SCRG1: variants seen among roughly 807,000 people sequenced by gnomAD.
SCRG1 encodes the protein stimulator of chondrogenesis 1.
Under a neutral mutation model 7.7 loss-of-function variants are expected in SCRG1, and 3 were observed. The observed-to-expected ratio is 0.39, with a 90% CI of 0.18 to 1.01. The LOEUF (loss-of-function observed/expected upper bound fraction) is 1.01. Ranked by LOEUF, SCRG1 falls within the 50% of genes least tolerant of loss-of-function variation. The probability of loss-of-function intolerance (pLI) is 0.36; values close to 1 mark genes in which losing one functional copy is unlikely to be tolerated. For missense variants in SCRG1, 110 were observed against 117.2 expected, an observed-to-expected ratio of 0.94 and a Z score of 0.28; for synonymous variants, 46 against 41.2, an observed-to-expected ratio of 1.12 and a Z score of -0.44.
chr4:173,407,407 G>A (rs551993183), upstream of SCRG1, among the ~76,000 whole-genome samples: 22 of 151,564 alleles, frequency 1.5e-4, no homozygotes, highest in Admixed American at 2.0e-4. Flanking sequence ...GGTGGCCAGC[G>A]CCCTGTAGTC....
the SCRG1 span, among the ~76,000 whole-genome samples, chr4:173,450,543 C>T: frequency 1.3e-5 from 2 of 152,142 alleles, no homozygotes; most frequent in African/African-American, 4.8e-5. Flanking sequence ...ATAGCAAGCA[C>T]TGCTAGCAGT....
the SCRG1 span, among the ~76,000 whole-genome samples, chr4:173,485,895 G>T: frequency 6.6e-5 from 10 of 152,244 alleles, no homozygotes; most frequent in Admixed American, 4.6e-4. Context: ...TCTTGAACTT[G>T]GGAGGTGGAG....
the SCRG1 span, among the ~76,000 whole-genome samples, chr4:173,492,550 ACT>A: frequency 6.6e-6 from 1 of 152,156 alleles, no homozygotes; most frequent in Non-Finnish European, 1.5e-5. Flanking sequence ...GAAACAGAAA[ACT>A]CTCTAGATCT....
chr4:173,452,694 C>T, the SCRG1 span, among the ~76,000 whole-genome samples: 7 of 152,094 alleles, frequency 4.6e-5, no homozygotes, highest in Non-Finnish European at 1.0e-4. Flanking sequence ...CCCTGCTGCT[C>T]AAAATCCGGG....
chr4:173,438,840 T>C, the SCRG1 span, among the ~76,000 whole-genome samples: 1 of 152,048 alleles, frequency 6.6e-6, no homozygotes, highest in African/African-American at 2.4e-5. Flanking sequence ...TCATAAAAAA[T>C]TGAGATGTTG....
At chr4:173,430,051 T>C in the SCRG1 span, among the ~76,000 whole-genome samples, 2 of 152,010 alleles carry the variant, frequency 1.3e-5, no homozygotes, top group African/African-American at 4.8e-5. Context: ...TTAATGGCCA[T>C]GAAAGTACAA....
the SCRG1 span, among the ~76,000 whole-genome samples, chr4:173,476,363 A>AAAAAAAAAAAATATATATATAT: frequency 5.1e-5 from 5 of 98,506 alleles, no homozygotes; most frequent in Admixed American, 1.2e-4. Context: ...GGAAAAAAAA[A>AAAAAAAAAAAATATATATATAT]ATATATATAT....
At chr4:173,511,197 C>T in the SCRG1 span, among the ~76,000 whole-genome samples, 3 of 152,052 alleles carry the variant, frequency 2.0e-5, no homozygotes, top group Non-Finnish European at 4.4e-5. The surrounding 1 kb of genome is among the most constrained non-coding windows in gnomAD (Gnocchi z 5.2). Flanking sequence ...AGGCTGGTCA[C>T]GAACTCCTGA....
chr4:173,466,098 G>A, the SCRG1 span, among the ~76,000 whole-genome samples: 8 of 152,252 alleles, frequency 5.3e-5, no homozygotes, highest in East Asian at 3.9e-4. Flanking sequence ...TGAAGTTGGG[G>A]ATACAGGTTA....
chr4:173,417,147 GAC>G, the SCRG1 span, among the ~76,000 whole-genome samples: 1 of 151,284 alleles, frequency 6.6e-6, no homozygotes, highest in South Asian at 2.1e-4. Flanking sequence ...CACACAGACA[GAC>G]AGACACACAC....
the SCRG1 span, among the ~76,000 whole-genome samples, chr4:173,436,779 G>A: frequency 6.6e-6 from 1 of 152,122 alleles, no homozygotes; most frequent in Admixed American, 6.6e-5. Context: ...ACACCTTCAT[G>A]CCTGGCTGAA....
the SCRG1 span, among the ~76,000 whole-genome samples, chr4:173,452,995 G>A: frequency 6.6e-6 from 1 of 152,218 alleles, no homozygotes; most frequent in Non-Finnish European, 1.5e-5. Context: ...GATGCTGGCA[G>A]AAGACACAGG....
At chr4:173,515,028 T>C in the SCRG1 span, among the ~76,000 whole-genome samples, 1 of 152,164 alleles carries the variant, frequency 6.6e-6, no homozygotes, top group Non-Finnish European at 1.5e-5. The surrounding 1 kb of genome is among the most constrained non-coding windows in gnomAD (Gnocchi z 4.6). Context: ...AGGGCACTCA[T>C]TTATGTTGGA....
At chr4:173,459,311 T>C in the SCRG1 span, among the ~76,000 whole-genome samples, 1 of 152,260 alleles carries the variant, frequency 6.6e-6, no homozygotes, top group Non-Finnish European at 1.5e-5. Context: ...AGAATGCACA[T>C]TCTTTTCATC....
the SCRG1 span, chr4:173,468,217 G>C: frequency 1.3e-5 from 2 of 152,484 alleles, no homozygotes; most frequent in African/African-American, 4.8e-5. Flanking sequence ...TACACAAATA[G>C]TTACCACTGT....
chr4:173,469,882 C>T, the SCRG1 span: 2 of 152,176 alleles, frequency 1.3e-5, no homozygotes, highest in Non-Finnish European at 2.9e-5. Context: ...GACGTACATC[C>T]TACCACGGAC....
At chr4:173,516,111 G>A in the SCRG1 span, among the ~76,000 whole-genome samples, 1 of 152,126 alleles carries the variant, frequency 6.6e-6, no homozygotes, top group Non-Finnish European at 1.5e-5. Context: ...GTCCTGACCC[G>A]ATAGCCACGT....
chr4:173,451,639 TTTATTTATTTATTTA>T, the SCRG1 span, among the ~76,000 whole-genome samples: 22 of 57,602 alleles, frequency 3.8e-4, no homozygotes, highest in South Asian at 3.1e-3. Flanking sequence ...ACTTATTTTA[TTTATTTATTTATTTA>T]TTTATTTATT....
the SCRG1 span, among the ~76,000 whole-genome samples, chr4:173,509,809 C>G: frequency 1.3e-5 from 2 of 152,164 alleles, no homozygotes; most frequent in African/African-American, 4.8e-5. This position sits in a 1 kb window ranked among gnomAD's most constrained non-coding sequence, Gnocchi z 5.7. Flanking sequence ...AGGAAACCGA[C>G]TCTTTTGCAA....
Sources: allele counts gnomAD v4.1 joint callset (sites outside exome capture counted in the v4.1 genomes callset), GRCh38; gene constraint gnomAD v4.1.1; non-coding constraint Gnocchi (gnomAD v3.1); transcripts MANE v1.5; gene names NCBI Gene and HGNC (gene_info 2026-07-23, HGNC 2026-07-21).